CSMD1: variants seen among roughly 807,000 people sequenced by gnomAD.
CSMD1 encodes CUB and Sushi multiple domains 1, also known as CUB and sushi domain-containing protein 1.
In CSMD1, 213 loss-of-function variants were observed where a neutral mutation model predicts 417.5. The observed-to-expected ratio is 0.51, with a 90% confidence interval of 0.46 to 0.57. CSMD1 has a LOEUF of 0.57. CSMD1 is among the 20% of genes least tolerant of loss of function. The pLI, the probability that CSMD1 is intolerant of heterozygous loss-of-function variation, is 0.00. For synonymous variants in CSMD1, 2,862 were observed against 1,736.8 expected (o/e 1.65, Z -16.11); for missense variants, 6,923 against 4,529.7 (o/e 1.53, Z -15.17).
chr8:3,513,744 T>C (rs1220593467), intron 10 of CSMD1, among the ~76,000 whole-genome samples: 1 of 152,218 alleles, frequency 6.6e-6, no homozygotes, highest in Admixed American at 6.5e-5. Context: ...GTTACCATAA[T>C]AGGTCAGCTG....
At chr8:4,726,375 C>A (rs956895928) in intron 1 of CSMD1, among the ~76,000 whole-genome samples, 1 of 151,874 alleles carries the variant, frequency 6.6e-6, no homozygotes, top group Admixed American at 6.6e-5. Flanking sequence ...AAAGCTTTCT[C>A]TTCTAATGAC....
chr8:3,814,500 C>G lies in CSMD1; in HGVS notation c.819-60458G>C, dbSNP rs193045192. On this transcript the variant is annotated intron_variant, in intron 5 of 69. Transcript: ENST00000635120. ...AGCTTTCAACTGTGGCCGAATTCAT[C>G]CTCCCTTCCGTGACGCCATTTGGCA... is the stretch of plus-strand genomic sequence containing the variant. Among the ~76,000 whole-genome samples the G allele has an allele frequency of 3.0e-3, 452 of 152,280 alleles. 2 individuals carry two copies. Among genetic ancestry groups the G allele is most frequent in the Non-Finnish European group, 4.2e-3 (289 of 68,022 alleles).
rs549472217 is a variant in CSMD1 at position 3,675,767 on chromosome 8, A to T, written c.1009+32647T>A. On this transcript the variant is annotated intron_variant, in intron 7 of 69. Coordinates refer to ENST00000635120, the MANE Select transcript of CSMD1 (RefSeq NM_033225.6). ...CCAGTCTCAAAACTGTGAGAAATATATGTCTGTTGTTTAAGCTGCCCAGTC... is the reference window on the plus strand; with the variant it reads ...CCAGTCTCAAAACTGTGAGAAATATTTGTCTGTTGTTTAAGCTGCCCAGTC... 2.6e-5 allele frequency among the ~76,000 whole-genome samples: 4 copies of T among 152,176 alleles called. No homozygotes were observed. The South Asian group carries it at 6.2e-4, about 24-fold the overall frequency.
At chr8:4,446,451 G>C (rs941236149) in intron 2 of CSMD1, among the ~76,000 whole-genome samples, 1 of 152,090 alleles carries the variant, frequency 6.6e-6, no homozygotes, top group Non-Finnish European at 1.5e-5. Flanking sequence ...AGGTGGCTGA[G>C]GTGGGACGAT....
chr8:3,934,889 CTGTT>C (rs1810378975), intron 5 of CSMD1, among the ~76,000 whole-genome samples: 1 of 152,014 alleles, frequency 6.6e-6, no homozygotes, highest in Admixed American at 6.6e-5. Context: ...ATTGGTATAT[CTGTT>C]TGAGTTTTCC....
intron 2 of CSMD1, among the ~76,000 whole-genome samples, chr8:4,594,279 C>G (rs889298890): frequency 2.1e-5 from 3 of 144,816 alleles, no homozygotes; most frequent in Admixed American, 1.4e-4. Context: ...TCTCAGCTCA[C>G]TGCAACCTCT....
At chr8:3,776,884 T>A (rs1205359618) in intron 5 of CSMD1, among the ~76,000 whole-genome samples, 1 of 149,962 alleles carries the variant, frequency 6.7e-6, no homozygotes, top group Non-Finnish European at 1.5e-5. Context: ...TAGATATAAC[T>A]TTGTATTTTT....
chr8:4,924,225 G>T (rs969789099), intron 1 of CSMD1, among the ~76,000 whole-genome samples: 1 of 152,098 alleles, frequency 6.6e-6, no homozygotes, highest in African/African-American at 2.4e-5. Flanking sequence ...GATCATGTAA[G>T]TTTTATTTTC....
intron 3 of CSMD1, among the ~76,000 whole-genome samples, chr8:4,090,237 A>G (rs574913258): frequency 8.5e-5 from 13 of 152,318 alleles, no homozygotes; most frequent in African/African-American, 3.1e-4. Context: ...TGTTTTTGAG[A>G]AGTTATCACG....
At position 3,973,971 on chromosome 8, in the gene CSMD1, G is replaced by A. The variant is rs567582475; in HGVS notation, c.818+23932C>T. 1.0e-3 allele frequency among the ~76,000 whole-genome samples: 152 copies of A among 152,280 alleles called. 1 individual carries two copies. The highest frequency in any genetic ancestry group is 3.4e-3 in the African/African-American group (142 of 41,558). On this transcript the variant is annotated intron_variant, in intron 5 of 69. Coordinates refer to ENST00000635120, the MANE Select transcript of CSMD1 (RefSeq NM_033225.6). ...AAAAATGGGATATCCATTCCCTCAA[G>A]CATTTATCCATTGAGTTGCAAACAA...
chr8:3,313,536 G>A (rs986259657), intron 23 of CSMD1, among the ~76,000 whole-genome samples: 4 of 152,216 alleles, frequency 2.6e-5, no homozygotes, highest in Non-Finnish European at 5.9e-5. Flanking sequence ...GGCCATCAGA[G>A]AAATGCAAAT....
At chr8:4,250,369 G>A (rs548287679) in intron 3 of CSMD1, among the ~76,000 whole-genome samples, 9 of 152,234 alleles carry the variant, frequency 5.9e-5, no homozygotes, top group Middle Eastern at 3.4e-3. Context: ...ATGTGACTCT[G>A]TGCATAGTGT....
intron 3 of CSMD1, among the ~76,000 whole-genome samples, chr8:4,105,496 G>C (rs1359254062): frequency 6.6e-6 from 1 of 152,200 alleles, no homozygotes; most frequent in Admixed American, 6.5e-5. Context: ...ATGTTCCAGA[G>C]ATGGTTCTAG....
chr8:3,452,823 T>C (rs906621402), intron 12 of CSMD1, among the ~76,000 whole-genome samples: 6 of 152,236 alleles, frequency 3.9e-5, no homozygotes, highest in African/African-American at 1.4e-4. Context: ...AGGATGATGT[T>C]GGCCTCATAA....
intron 5 of CSMD1, among the ~76,000 whole-genome samples, chr8:3,784,157 A>G (rs1271709025): frequency 6.6e-6 from 1 of 152,220 alleles, no homozygotes; most frequent in Non-Finnish European, 1.5e-5. Flanking sequence ...TCTCATGCAT[A>G]CATATAGTAG....
chr8:3,148,220 A>G (rs926203851), intron 40 of CSMD1, among the ~76,000 whole-genome samples: 16 of 152,276 alleles, frequency 1.1e-4, no homozygotes, highest in South Asian at 4.1e-4. Context: ...CTATATTCCC[A>G]TTTTGTTTTA....
intron 3 of CSMD1, among the ~76,000 whole-genome samples, chr8:4,073,480 C>G (rs1266023238): frequency 1.3e-5 from 2 of 152,146 alleles, no homozygotes; most frequent in African/African-American, 4.8e-5. Flanking sequence ...TCCTCATTTT[C>G]TGGCTGTCCT....
chr8:4,021,145 CA>C (rs1205020431), intron 4 of CSMD1, among the ~76,000 whole-genome samples: 1 of 152,162 alleles, frequency 6.6e-6, no homozygotes, highest in Non-Finnish European at 1.5e-5. Flanking sequence ...GAAGTGTATG[CA>C]GCTCATGAGC....
chr8:4,160,579 G>T (rs1452525301), intron 3 of CSMD1, among the ~76,000 whole-genome samples: 1 of 152,224 alleles, frequency 6.6e-6, no homozygotes, highest in Non-Finnish European at 1.5e-5. Context: ...CATCTTGCAT[G>T]AGGCTGAAGC....
Sources: allele counts gnomAD v4.1 joint callset (sites outside exome capture counted in the v4.1 genomes callset), GRCh38; gene constraint gnomAD v4.1.1; transcripts MANE v1.5; gene names NCBI Gene and HGNC (gene_info 2026-07-23, HGNC 2026-07-21).